NRGN: variants seen among roughly 807,000 people sequenced by gnomAD.
The protein encoded by NRGN is neurogranin, also known as calmodulin-binding protein.
For missense variants in NRGN, 82 were observed against 123.0 expected (o/e 0.67, Z 1.58); for synonymous variants, 47 against 52.8 (o/e 0.89, Z 0.47).
chr11:124,742,101 C>G (rs71491832), intron 1 of NRGN, among the ~76,000 whole-genome samples: 10,458 of 152,106 alleles, frequency 0.069, 393 homozygotes, highest in Middle Eastern at 0.088. Context: ...AGAGAGAGCA[C>G]CATTATCAGA....
intron 1 of NRGN, among the ~76,000 whole-genome samples, chr11:124,742,610 A>C (rs756254654): frequency 6.6e-6 from 1 of 152,160 alleles, no homozygotes; most frequent in Non-Finnish European, 1.5e-5. Context: ...AATTCATAGA[A>C]ATAATTACCT....
Position 124,745,300 on chromosome 11 carries a change from C to T in NRGN, c.16-203C>T, listed in dbSNP as rs1255825866. On this transcript the variant is annotated intron_variant, in intron 1 of 3. Transcript: ENST00000284292. The surrounding 1 kb of genome is among the most constrained non-coding windows in gnomAD (Gnocchi z 6.4). ...TCCTGAATTGAGACATGACTGTCCA[C>T]CTGGCCCTGAACCTTCTTCGCCTGT... Among the ~76,000 whole-genome samples the T allele has an allele frequency of 6.6e-6, 1 of 152,142 alleles. No individual in the cohort carries two copies. Among genetic ancestry groups the T allele is most frequent in the Non-Finnish European group, 1.5e-5 (1 of 68,030 alleles).
intron 1 of NRGN, among the ~76,000 whole-genome samples, chr11:124,741,012 C>G (rs1421742894): frequency 6.6e-6 from 1 of 152,152 alleles, no homozygotes; most frequent in Non-Finnish European, 1.5e-5. Flanking sequence ...ACTTTGCCAC[C>G]TTATGGCATA....
At position 124,740,680 on chromosome 11, in the gene NRGN, C is replaced by T. The variant is rs1943959686; in HGVS notation, c.15+581C>T. ...TCCCGGCCCCCAAGGCCTTCTCGCT[C>T]GGAAGGGGCTGGGTGAAGTGACCGC... On this transcript the variant is annotated intron_variant, in intron 1 of 3. Coordinates refer to ENST00000284292, the MANE Select transcript of NRGN (RefSeq NM_006176.3). The surrounding 1 kb of genome is among the most constrained non-coding windows in gnomAD (Gnocchi z 7.5). 6.6e-6 allele frequency among the ~76,000 whole-genome samples: 1 copy of T among 152,244 alleles called. No individual in the cohort carries two copies. Among genetic ancestry groups the T allele is most frequent in the Non-Finnish European group, 1.5e-5 (1 of 68,036 alleles).
In NRGN at chr11:124,744,211, T is replaced by C. The variant is rs568231503; in HGVS notation, c.16-1292T>C. Among the ~76,000 whole-genome samples the C allele has an allele frequency of 3.9e-5, 6 of 152,348 alleles. No individual in the cohort carries two copies. In the South Asian group the frequency reaches 1.2e-3, roughly 32 times the overall value. On this transcript the variant is annotated intron_variant, in intron 1 of 3. Transcript: ENST00000284292. ...AGGTTGAACCATATGAAATTGTTAT[T>C]ATATGACCACTTTTGGCCTACAAAA...
At chr11:124,744,001 A>G (rs1943989211) in intron 1 of NRGN, among the ~76,000 whole-genome samples, 1 of 151,892 alleles carries the variant, frequency 6.6e-6, no homozygotes. Flanking sequence ...ATCCTGACCC[A>G]CACTAATACT....
At position 124,740,310 on chromosome 11, in the gene NRGN, G is replaced by T. The variant is rs1433114156; in HGVS notation, c.15+211G>T. Among the ~76,000 whole-genome samples the T allele has an allele frequency of 6.6e-6, 1 of 152,234 alleles. No individual in the cohort carries two copies. Among genetic ancestry groups the T allele is most frequent in the Non-Finnish European group, 1.5e-5 (1 of 68,032 alleles). ...AGGAAAAATGCTCCTCAACTCGCGG[G>T]GGCGTCTGAGCGCCCATCCGTTAGA... On this transcript the variant is annotated intron_variant, in intron 1 of 3. Transcript: ENST00000284292. The surrounding 1 kb of genome is among the most constrained non-coding windows in gnomAD (Gnocchi z 7.5).
Position 124,740,153 on chromosome 11 carries a change from GCCTGAGAAAGC to G in NRGN, c.15+59_15+69del. ...CTTGGCGGGGTCCGCTGCGAGAGGC[GCCTGAGAAAGC>G]CCTGGAGGGCGAGAGAGGGATGGAA... is the stretch of plus-strand genomic sequence containing the variant. On this transcript the variant is annotated intron_variant, in intron 1 of 3. Transcript: ENST00000284292. The surrounding 1 kb of genome is among the most constrained non-coding windows in gnomAD (Gnocchi z 7.5). 8.0e-7 allele frequency: 1 copy of G among 1,255,156 alleles called. No homozygotes were observed. The highest frequency in any genetic ancestry group is 1.5e-5 in the African/African-American group (1 of 65,032). 77.8% of individuals were successfully genotyped at this position (1,255,156 alleles called of 1,614,324 possible). A position where few individuals can be genotyped will look rare whatever the true frequency, so the allele number is the denominator to read the frequency against.
Position 124,740,063 on chromosome 11 carries a change from C to T in NRGN, c.-22C>T, listed in dbSNP as rs1429824064. On this transcript the variant is annotated 5_prime_UTR_variant, in exon 1 of 4. Transcript: ENST00000284292. This position sits in a 1 kb window ranked among gnomAD's most constrained non-coding sequence, Gnocchi z 7.5. ...CGCCCTGCGCCAGCCTTCGTCCCCGCAGAGGACCCCCCGACACCAGCATGG... is the reference window on the plus strand; with the variant it reads ...CGCCCTGCGCCAGCCTTCGTCCCCGTAGAGGACCCCCCGACACCAGCATGG... 1.4e-5 allele frequency: 18 copies of T among 1,323,796 alleles called. No homozygotes were observed. The highest frequency in any genetic ancestry group is 1.8e-5 in the Non-Finnish European group (18 of 1,027,496). The allele number at this position is 1,323,796 out of a possible 1,614,324, so 82.0% of individuals were successfully genotyped here.
rs1943956297 is a variant in NRGN, at chr11:124,740,177, G to A, written c.15+78G>A. ...CGCCTGAGAAAGCCCTGGAGGGCGA[G>A]AGAGGGATGGAAGTGGATGCGGAAG... is the stretch of plus-strand genomic sequence containing the variant. On this transcript the variant is annotated intron_variant, in intron 1 of 3. Coordinates refer to ENST00000284292, the MANE Select transcript of NRGN (RefSeq NM_006176.3). The surrounding 1 kb of genome is among the most constrained non-coding windows in gnomAD (Gnocchi z 7.5). 3 of 1,074,984 alleles carry A rather than the reference G, an allele frequency of 2.8e-6. No homozygotes were observed. The highest frequency in any genetic ancestry group is 3.7e-6 in the Non-Finnish European group (3 of 820,092). The allele number at this position is 1,074,984 out of a possible 1,614,324, so 66.6% of individuals were successfully genotyped here. A position where few individuals can be genotyped will look rare whatever the true frequency, so the allele number is the denominator to read the frequency against.
rs1464758219 is a variant in NRGN, at chr11:124,745,638, C to T, written c.151C>T (p.Arg51Cys). The change falls in exon 2 of 4, where the codon CGC becomes TGC. Residue 51 changes from arginine to cysteine, a missense_variant. Arg to Cys is a radical substitution (Grantham distance 180). Coordinates refer to ENST00000284292, the MANE Select transcript of NRGN (RefSeq NM_006176.3). The surrounding 1 kb of genome is among the most constrained non-coding windows in gnomAD (Gnocchi z 6.4). ...GCGGAAGAAGATAAAGAGCGGAGAG[C>T]GCGGCCGGAAGGGCCCGGGCCCTGG... ...MARKKIKSGE[R>C]GRKGPGPGGP... 3 of 1,582,254 alleles carry T rather than the reference C, an allele frequency of 1.9e-6. No homozygotes were observed. The African/African-American group carries it at 4.1e-5, about 22-fold the overall frequency.
Position 124,740,357 on chromosome 11 carries a change from C to G in NRGN, c.15+258C>G, listed in dbSNP as rs886732058. Among the ~76,000 whole-genome samples, 2 of 152,222 alleles carry G rather than the reference C, an allele frequency of 1.3e-5. No homozygotes were observed. Among genetic ancestry groups the G allele is most frequent in the African/African-American group, 4.8e-5 (2 of 41,464 alleles). On this transcript the variant is annotated intron_variant, in intron 1 of 3. Coordinates refer to ENST00000284292, the MANE Select transcript of NRGN (RefSeq NM_006176.3). This position sits in a 1 kb window ranked among gnomAD's most constrained non-coding sequence, Gnocchi z 7.5. Reference sequence around the variant, plus strand: ...TAGACAGCCTAGGCTGGACTGGGAGCTCGGCAGGGCTCTGCAAGAGGGGAA... The same window carrying G: ...TAGACAGCCTAGGCTGGACTGGGAGGTCGGCAGGGCTCTGCAAGAGGGGAA...
Position 124,745,034 on chromosome 11 carries a change from G to C in NRGN, c.16-469G>C, listed in dbSNP as rs1943996988. 6.5e-6 allele frequency: 1 copy of C among 154,498 alleles called. No individual in the cohort carries two copies. Among genetic ancestry groups the C allele is most frequent in the African/African-American group, 2.4e-5 (1 of 41,510 alleles). 9.6% of individuals were successfully genotyped at this position (154,498 alleles called of 1,614,324 possible). Reference sequence around the variant, plus strand: ...TGTGAGCTTTCTGCATTTCTACTGGGGAGAGGGCTGGCGGACTGAGGCTTC... The same window carrying C: ...TGTGAGCTTTCTGCATTTCTACTGGCGAGAGGGCTGGCGGACTGAGGCTTC... On this transcript the variant is annotated intron_variant, in intron 1 of 3. Transcript: ENST00000284292. The surrounding 1 kb of genome is among the most constrained non-coding windows in gnomAD (Gnocchi z 6.4).
chr11:124,745,776 C>A lies in NRGN; in HGVS notation c.*5+47C>A. On this transcript the variant is annotated intron_variant, in intron 2 of 3. Coordinates refer to ENST00000284292, the MANE Select transcript of NRGN (RefSeq NM_006176.3). This position sits in a 1 kb window ranked among gnomAD's most constrained non-coding sequence, Gnocchi z 6.4. ...TGGCTGACAGCTGCCCTTCCCCAGCCCTCCCCAGGAGCAGGGGGAGAATAA... is the reference window on the plus strand; with the variant it reads ...TGGCTGACAGCTGCCCTTCCCCAGCACTCCCCAGGAGCAGGGGGAGAATAA... 9.5e-7 allele frequency: 1 copy of A among 1,055,174 alleles called. No individual in the cohort carries two copies. The highest frequency in any genetic ancestry group is 1.2e-6 in the Non-Finnish European group (1 of 800,032). The allele number at this position is 1,055,174 out of a possible 1,614,324, so 65.4% of individuals were successfully genotyped here.
Position 124,743,902 on chromosome 11 carries a change from G to GAAAAAAA in NRGN, c.16-1596_16-1590dup, listed in dbSNP as rs56291708. The stretch of plus-strand genomic sequence containing the variant: ...AAAGCAGTGGAAGACTTCATGAAAA[G>GAAAAAAA]AAAAAAAAAAAGAAGGAGGCAAATT... On this transcript the variant is annotated intron_variant, in intron 1 of 3. Coordinates refer to ENST00000284292, the MANE Select transcript of NRGN (RefSeq NM_006176.3). Among the ~76,000 whole-genome samples the GAAAAAAA allele has an allele frequency of 3.9e-4, 53 of 134,894 alleles. 1 individual carries two copies. The highest frequency in any genetic ancestry group is 5.8e-4 in the African/African-American group (20 of 34,484). The allele number at this position is 134,894 out of a possible 152,430, so 88.5% of individuals were successfully genotyped here.
chr11:124,745,470 G>A lies in NRGN; in HGVS notation c.16-33G>A. On this transcript the variant is annotated intron_variant, in intron 1 of 3. Transcript: ENST00000284292. The surrounding 1 kb of genome is among the most constrained non-coding windows in gnomAD (Gnocchi z 6.4). Reference sequence around the variant, plus strand: ...CCACTCCCGCGGATCAAGACCCAGTGACCCCACAAGAACCCCCCTGCTTCG... The same window carrying A: ...CCACTCCCGCGGATCAAGACCCAGTAACCCCACAAGAACCCCCCTGCTTCG... 1 of 1,505,368 alleles carries A rather than the reference G, an allele frequency of 6.6e-7. No individual in the cohort carries two copies. Among genetic ancestry groups the A allele is most frequent in the Non-Finnish European group, 8.9e-7 (1 of 1,119,466 alleles). 93.3% of individuals were successfully genotyped at this position (1,505,368 alleles called of 1,614,324 possible).
intron 1 of NRGN, among the ~76,000 whole-genome samples, chr11:124,743,376 C>T (rs1943981882): frequency 1.3e-5 from 2 of 152,176 alleles, no homozygotes; most frequent in African/African-American, 2.4e-5. Flanking sequence ...TTGTCACCCT[C>T]TTGAGAAGAA....
chr11:124,744,089 A>ACCATCAATCC (rs1357657802), intron 1 of NRGN, among the ~76,000 whole-genome samples: 18 of 152,156 alleles, frequency 1.2e-4, no homozygotes, highest in Non-Finnish European at 1.5e-5. Context: ...TGCAATCTAT[A>ACCATCAATCC]CCATCAATCC....
chr11:124,740,102 A>G lies in NRGN; in HGVS notation c.15+3A>G. The G allele has an allele frequency of 7.5e-7, 1 of 1,335,332 alleles. No homozygotes were observed. The highest frequency in any genetic ancestry group is 9.6e-7 in the Non-Finnish European group (1 of 1,039,198). 82.7% of individuals were successfully genotyped at this position (1,335,332 alleles called of 1,614,324 possible). On this transcript the variant is annotated splice_donor_region_variant and intron_variant, in intron 1 of 3. Coordinates refer to ENST00000284292, the MANE Select transcript of NRGN (RefSeq NM_006176.3). The surrounding 1 kb of genome is among the most constrained non-coding windows in gnomAD (Gnocchi z 7.5). ...ACACCAGCATGGACTGCTGCACCGT[A>G]AGTTAGAGGGCCCGGGGGAGGGGCA...
Sources: allele counts gnomAD v4.1 joint callset (sites outside exome capture counted in the v4.1 genomes callset), GRCh38; gene constraint gnomAD v4.1.1; non-coding constraint Gnocchi (gnomAD v3.1); transcripts MANE v1.5; gene names NCBI Gene and HGNC (gene_info 2026-07-23, HGNC 2026-07-21).